The following TMTC2 variants were observed in gnomAD, a reference collection of about 807,000 sequenced individuals.
TMTC2 encodes transmembrane O-mannosyltransferase targeting cadherins 2.
Under a neutral mutation model 82.4 loss-of-function variants are expected in TMTC2, and 43 were observed. The ratio of observed to expected loss-of-function variants is 0.52; its 90% CI spans 0.41 to 0.67. The LOEUF (loss-of-function observed/expected upper bound fraction) is 0.67, where lower values mean the gene tolerates loss of function less well. Ranked by LOEUF, TMTC2 falls within the 30% of genes least tolerant of loss-of-function variation. The probability of loss-of-function intolerance (pLI) is 0.00; values close to 1 mark genes in which losing one functional copy is unlikely to be tolerated. For synonymous variants in TMTC2, 408 were observed against 381.9 expected (o/e 1.07, Z -0.80); for missense variants, 919 against 1,012.4 (o/e 0.91, Z 1.25).
intron 2 of TMTC2, among the ~76,000 whole-genome samples, chr12:82,894,791 G>A (rs1873572938): frequency 1.3e-5 from 2 of 151,912 alleles, no homozygotes; most frequent in South Asian, 4.2e-4. Flanking sequence ...CATTATTAAA[G>A]AAGTCATTTT....
At chr12:82,882,445 C>G (rs2137157494) in intron 2 of TMTC2, among the ~76,000 whole-genome samples, 1 of 151,472 alleles carries the variant, frequency 6.6e-6, no homozygotes, top group South Asian at 2.2e-4. Context: ...TATAATTCTA[C>G]TAACCATAAC....
intron 7 of TMTC2, among the ~76,000 whole-genome samples, chr12:82,980,734 C>T (rs1257184689): frequency 6.6e-6 from 1 of 151,790 alleles, no homozygotes; most frequent in Non-Finnish European, 1.5e-5. Context: ...TATAGCTTGG[C>T]ATATGCAATT....
intron 11 of TMTC2, among the ~76,000 whole-genome samples, chr12:83,065,003 T>A (rs1882867603): frequency 1.3e-5 from 2 of 151,940 alleles, no homozygotes; most frequent in African/African-American, 4.8e-5. Context: ...TTACTCTTAA[T>A]TTTTCTTCTA....
At chr12:82,731,517 T>C (rs888960766) in intron 1 of TMTC2, among the ~76,000 whole-genome samples, 2 of 152,232 alleles carry the variant, frequency 1.3e-5, no homozygotes, top group Non-Finnish European at 2.9e-5. Flanking sequence ...AATTTTTGGC[T>C]AGGAATTTAT....
chr12:83,125,298 A>G (rs936710520), intron 11 of TMTC2, among the ~76,000 whole-genome samples: 11 of 152,188 alleles, frequency 7.2e-5, no homozygotes, highest in African/African-American at 2.2e-4. Context: ...TCTGGTTCCC[A>G]ATGGAAGCAA....
chr12:82,727,642 A>G (rs1311656516), intron 1 of TMTC2, among the ~76,000 whole-genome samples: 1 of 151,480 alleles, frequency 6.6e-6, no homozygotes, highest in Non-Finnish European at 1.5e-5. Flanking sequence ...AATCACTTGA[A>G]CCTGGGAGGC....
chr12:82,817,888 G>A (rs1014768082), intron 1 of TMTC2, among the ~76,000 whole-genome samples: 2 of 152,120 alleles, frequency 1.3e-5, no homozygotes, highest in African/African-American at 4.8e-5. Flanking sequence ...GGCTGTGTAT[G>A]TTGACCTTTG....
intron 3 of TMTC2, among the ~76,000 whole-genome samples, chr12:82,916,623 A>C (rs748734891): frequency 6.6e-6 from 1 of 152,224 alleles, no homozygotes; most frequent in African/African-American, 2.4e-5. Flanking sequence ...CCGTAGATAC[A>C]CTAAAACAAA....
At chr12:83,055,017 T>C (rs961789193) in intron 10 of TMTC2, among the ~76,000 whole-genome samples, 1 of 152,108 alleles carries the variant, frequency 6.6e-6, no homozygotes, top group African/African-American at 2.4e-5. Context: ...TCTACACAGC[T>C]AGGAATAATT....
chr12:83,012,994 G>A (rs1796199), intron 8 of TMTC2, among the ~76,000 whole-genome samples: 119,118 of 152,030 alleles, frequency 0.78, 47,700 homozygotes, highest in South Asian at 0.93. Context: ...TGAAGTGATT[G>A]GGTTGAATTT....
chr12:82,927,641 G>A (rs1382008962), intron 3 of TMTC2, among the ~76,000 whole-genome samples: 1 of 152,164 alleles, frequency 6.6e-6, no homozygotes, highest in Non-Finnish European at 1.5e-5. Flanking sequence ...TTCGTGAAAG[G>A]AAGAGTTAAT....
At chr12:82,973,557 T>TA (rs888084070) in intron 7 of TMTC2, among the ~76,000 whole-genome samples, 2 of 152,192 alleles carry the variant, frequency 1.3e-5, no homozygotes, top group African/African-American at 2.4e-5. Context: ...AAGTTTCTCT[T>TA]AAAAAAGTGC....
intron 1 of TMTC2, among the ~76,000 whole-genome samples, chr12:82,766,986 G>A (rs1429598660): frequency 6.6e-6 from 1 of 152,086 alleles, no homozygotes; most frequent in Non-Finnish European, 1.5e-5. Flanking sequence ...TGTATTTTTA[G>A]TAGAGATGGG....
intron 1 of TMTC2, among the ~76,000 whole-genome samples, chr12:82,726,332 T>G (rs1339058471): frequency 1.3e-5 from 2 of 152,170 alleles, no homozygotes; most frequent in Admixed American, 6.5e-5. Context: ...GATGACTTAA[T>G]AGTATGCATG....
intron 11 of TMTC2, among the ~76,000 whole-genome samples, chr12:83,116,948 T>A (rs969528048): frequency 1.3e-5 from 2 of 152,236 alleles, no homozygotes; most frequent in South Asian, 2.1e-4. Flanking sequence ...TCCAGCTATT[T>A]ATCTTTGTTT....
At chr12:82,984,525 A>G (rs1879072217) in intron 7 of TMTC2, among the ~76,000 whole-genome samples, 1 of 152,106 alleles carries the variant, frequency 6.6e-6, no homozygotes, top group Non-Finnish European at 1.5e-5. Flanking sequence ...TATACATCCA[A>G]TGTGGGCAAT....
At chr12:82,975,337 G>A (rs1393693071) in intron 7 of TMTC2, among the ~76,000 whole-genome samples, 2 of 152,140 alleles carry the variant, frequency 1.3e-5, no homozygotes, top group African/African-American at 4.8e-5. Context: ...CTTCCAATGA[G>A]CTGTCATTTA....
At chr12:82,850,367 A>G (rs1202583637) in intron 1 of TMTC2, among the ~76,000 whole-genome samples, 1 of 152,166 alleles carries the variant, frequency 6.6e-6, no homozygotes, top group Non-Finnish European at 1.5e-5. Context: ...GGATTCCATT[A>G]ATCTTTCTTC....
chr12:82,914,999 A>G (rs1874923189), intron 3 of TMTC2, among the ~76,000 whole-genome samples: 1 of 151,544 alleles, frequency 6.6e-6, no homozygotes, highest in Admixed American at 6.6e-5. Flanking sequence ...CTAATTTTGT[A>G]TTTTTAGTAT....
Sources: gnomAD v4.1 joint callset for allele counts (sites outside exome capture counted in the v4.1 genomes callset) on GRCh38, gnomAD v4.1.1 for gene constraint, MANE v1.5 for transcripts, NCBI Gene and HGNC (gene_info 2026-07-23, HGNC 2026-07-21) for gene names.